Variants in TTC19 observed in about 807,000 individuals in gnomAD.
The protein encoded by TTC19 is tetratricopeptide repeat protein 19, mitochondrial.
Under a neutral mutation model 49.5 loss-of-function variants are expected in TTC19, and 38 were observed. The ratio of observed to expected loss-of-function variants is 0.77; its 90% CI spans 0.59 to 1.01. The LOEUF is 1.01. Among genes scored for constraint, TTC19 ranks in the 50% least tolerant of loss-of-function variants. The probability of loss-of-function intolerance (pLI) is 0.00; values close to 1 mark genes in which losing one functional copy is unlikely to be tolerated. For missense variants in TTC19, 475 were observed against 477.7 expected (o/e 0.99, Z 0.05); for synonymous variants, 204 against 185.2 (o/e 1.10, Z -0.83).
At chr17:16,032,236 A>C (rs1972147261), downstream of TTC19, 1 of 1,478,082 alleles carries the variant, frequency 6.8e-7, no homozygotes, top group African/African-American at 1.5e-5. Context: ...GCTACTAAAA[A>C]TTAAACCACA....
At chr17:16,032,312 G>A (rs2151753527), downstream of TTC19, 1 of 1,612,876 alleles carries the variant, frequency 6.2e-7, no homozygotes, top group Non-Finnish European at 8.5e-7. Flanking sequence ...ATCACTATCC[G>A]ACAGGGTCTC....
chr17:16,031,531 A>G (rs1971996709), downstream of TTC19: 2 of 212,846 alleles, frequency 9.4e-6, no homozygotes, highest in African/African-American at 4.5e-5. Context: ...TATGCCTCAA[A>G]TAAGCCTTTA....
chr17:16,002,138 T>C, intron 3 of TTC19, 113 bp downstream of exon 3: 1 of 795,224 alleles, frequency 1.3e-6, no homozygotes, highest in Non-Finnish European at 2.1e-6. Flanking sequence ...AAACTCCTTT[T>C]CTTTTTACTG....
intron 7 of TTC19, among the ~76,000 whole-genome samples, chr17:16,019,223 C>T (rs1408469146): frequency 6.6e-6 from 1 of 152,160 alleles, no homozygotes. Context: ...ATCCCCACTA[C>T]TCGGGAGGCT....
At chr17:16,044,646 G>A in exon 3 of TTC19, 1 of 644,224 alleles carries the variant, frequency 1.6e-6, no homozygotes, top group Non-Finnish European at 3.0e-6. Flanking sequence ...GAGCTCGCCT[G>A]CATCTACTCA....
chr17:16,009,377 G>A (rs1971002202), intron 7 of TTC19, among the ~76,000 whole-genome samples: 1 of 152,188 alleles, frequency 6.6e-6, no homozygotes, highest in African/African-American at 2.4e-5. Context: ...TTAAGAAAGA[G>A]CTACTGTTTT....
Position 16,026,627 on chromosome 17 carries a change from G to T in TTC19, c.919G>T (p.Asp307Tyr). The change falls in exon 9 of 10, where the codon GAT (aspartate) becomes TAT (tyrosine). Residue 307 changes from aspartate to tyrosine, a missense_variant. Transcript: ENST00000261647. ...CTATATTTATATGCAAAGGGCATCAGATCTGGCAAGACAGATAAATCATCC... is the reference window on the plus strand; with the variant it reads ...CTATATTTATATGCAAAGGGCATCATATCTGGCAAGACAGATAAATCATCC... Reference protein sequence around the residue: ...EAYIYMQRASDLARQINHPEL... With the variant: ...EAYIYMQRASYLARQINHPEL... The T allele has an allele frequency of 1.9e-6, 3 of 1,614,186 alleles. No homozygotes were observed. Among genetic ancestry groups the T allele is most frequent in the Non-Finnish European group, 2.5e-6 (3 of 1,179,998 alleles).
chr17:16,033,288 T>G (rs1445969153), downstream of TTC19, among the ~76,000 whole-genome samples: 1 of 129,004 alleles, frequency 7.8e-6, no homozygotes, highest in Non-Finnish European at 1.5e-5. Context: ...TGAGCCAAGA[T>G]AGCACCATTG....
At chr17:16,015,313 G>C (rs901650739) in intron 7 of TTC19, among the ~76,000 whole-genome samples, 1 of 151,756 alleles carries the variant, frequency 6.6e-6, no homozygotes, top group Admixed American at 6.6e-5. Flanking sequence ...TTTCAATATA[G>C]GACAGTGCTA....
At chr17:16,030,442 G>T (rs1468553451), downstream of TTC19, 1 of 208,576 alleles carries the variant, frequency 4.8e-6, no homozygotes, top group Non-Finnish European at 9.7e-6. Flanking sequence ...CTCTTTTATG[G>T]TAGGTTGGCA....
intron 7 of TTC19, among the ~76,000 whole-genome samples, chr17:16,017,685 T>C (rs760285589): frequency 6.6e-5 from 10 of 150,592 alleles, no homozygotes; most frequent in Non-Finnish European, 1.3e-4. Flanking sequence ...CGCATGAACC[T>C]GGGAGGCGGA....
intron 4 of TTC19, 37 bp downstream of exon 4, chr17:16,002,868 A>AG: frequency 6.3e-7 from 1 of 1,594,826 alleles, no homozygotes; most frequent in Non-Finnish European, 8.6e-7. Flanking sequence ...GAATTTATGA[A>AG]GGAGTAGCTT....
At chr17:16,021,455 C>T (rs1343740125) in intron 7 of TTC19, among the ~76,000 whole-genome samples, 1 of 152,162 alleles carries the variant, frequency 6.6e-6, no homozygotes, top group East Asian at 1.9e-4. Flanking sequence ...GGGAAAGACG[C>T]ATAGTAAGCA....
chr17:16,018,533 G>T (rs1190864123), intron 7 of TTC19, among the ~76,000 whole-genome samples: 1 of 151,944 alleles, frequency 6.6e-6, no homozygotes, highest in Non-Finnish European at 1.5e-5. Flanking sequence ...TTGAGATAGG[G>T]TCTCACTGTG....
intron 6 of TTC19, 140 bp from the exon 7 acceptor site, chr17:16,006,334 C>G: frequency 1.5e-6 from 1 of 689,020 alleles, no homozygotes; most frequent in South Asian, 1.5e-5. Context: ...CGCTTGAACC[C>G]CGGAGGTGGA....
In TTC19 at chr17:16,020,575, A is replaced by C. The variant is rs79060626; in HGVS notation, c.677-4442A>C. The stretch of plus-strand genomic sequence containing the variant: ...ACATCTCTATATTGGGTTTTCATAG[A>C]TTCATGGGGTGCTAATGTTTAAATC... On this transcript the variant is annotated intron_variant, in intron 7 of 9. Coordinates refer to ENST00000261647, the MANE Select transcript of TTC19 (RefSeq NM_017775.4). 7.2e-3 allele frequency among the ~76,000 whole-genome samples: 1,100 copies of C among 152,166 alleles called. 13 individuals are homozygous for C. Among genetic ancestry groups the C allele is most frequent in the African/African-American group, 0.026 (1,059 of 41,510 alleles).
In TTC19 at chr17:16,000,168, G is replaced by A; in HGVS notation, c.235G>A (p.Gly79Arg). ...TGCGGCAGAGGAGGAGGAGCAGCAG[G>A]GAGCCGACGGGGCCGCTGCCGAGGA... ...PAAAEEEEQQ[G>R]ADGAAAEDGA... The change falls in exon 2 of 10, where the codon GGA becomes AGA. Residue 79 changes from glycine (G) to arginine (R), a missense_variant. Coordinates refer to ENST00000261647, the MANE Select transcript of TTC19 (RefSeq NM_017775.4). 1 of 1,591,012 alleles carries A rather than the reference G, an allele frequency of 6.3e-7. No homozygotes were observed. The highest frequency in any genetic ancestry group is 8.5e-7 in the Non-Finnish European group (1 of 1,177,318).
rs1322310939 is a variant in TTC19, at chr17:16,027,499, T to A, written c.1120T>A (p.Leu374Met). The part of the protein sequence containing the change: ...LAELSKKSRP[L>M]TNSVKL Reference sequence around the variant, plus strand: ...TGAGCTGTCAAAGAAAAGTAGACCTTTGACAAATTCTGTCAAGCTCTAAAT... The same window carrying A: ...TGAGCTGTCAAAGAAAAGTAGACCTATGACAAATTCTGTCAAGCTCTAAAT... The change falls in exon 10 of 10, where the codon TTG (leucine) becomes ATG (methionine). Residue 374 changes from leucine (L) to methionine (M), a missense_variant. By Grantham distance (15) the Leu-to-Met change is conservative. Coordinates refer to ENST00000261647, the MANE Select transcript of TTC19 (RefSeq NM_017775.4). 1.2e-6 allele frequency: 2 copies of A among 1,614,034 alleles called. No homozygotes were observed. The highest frequency in any genetic ancestry group is 2.2e-5 in the South Asian group (2 of 91,068).
chr17:16,017,587 C>T (rs1971254361), intron 7 of TTC19, among the ~76,000 whole-genome samples: 1 of 151,662 alleles, frequency 6.6e-6, no homozygotes, highest in African/African-American at 2.4e-5. Flanking sequence ...TAGTGAAACC[C>T]CGTCTCTACT....
Sources: allele counts gnomAD v4.1 joint callset (sites outside exome capture counted in the v4.1 genomes callset), GRCh38; gene constraint gnomAD v4.1.1; transcripts MANE v1.5; gene names NCBI Gene and HGNC (gene_info 2026-07-23, HGNC 2026-07-21).